The following ZDHHC14 variants were observed in gnomAD, a reference collection of about 807,000 sequenced individuals.
ZDHHC14 encodes the protein zDHHC palmitoyltransferase 14.
ZDHHC14 carries 16 observed loss-of-function variants against 47.7 expected under a neutral mutation model. The ratio of observed to expected loss-of-function variants is 0.34; its 90% CI spans 0.23 to 0.51. The LOEUF (loss-of-function observed/expected upper bound fraction) is 0.51. Among genes scored for constraint, ZDHHC14 ranks in the 20% least tolerant of loss-of-function variants. ZDHHC14 has a pLI of 0.97. For synonymous variants in ZDHHC14, 293 were observed against 278.9 expected (o/e 1.05, Z -0.50); for missense variants, 515 against 662.5 (o/e 0.78, Z 2.44).
chr6:157,533,414 T>C (rs903243958), intron 1 of ZDHHC14, among the ~76,000 whole-genome samples: 1 of 152,104 alleles, frequency 6.6e-6, no homozygotes, highest in Non-Finnish European at 1.5e-5. Context: ...AGTTTGGAGA[T>C]TGTGTGCAGC....
At chr6:157,630,412 A>C (rs142176088) in intron 4 of ZDHHC14, 11 of 152,008 alleles carry the variant, frequency 7.2e-5, no homozygotes, top group African/African-American at 2.7e-4. Flanking sequence ...TCATATACCT[A>C]AACTCAGGGA....
In ZDHHC14 at chr6:157,386,760, C is replaced by T. The variant is rs147646080; in HGVS notation, c.245+4494C>T. On this transcript the variant is annotated intron_variant, in intron 1 of 8. Coordinates refer to ENST00000359775, the MANE Select transcript of ZDHHC14 (RefSeq NM_024630.3). Reference sequence around the variant, plus strand: ...AAGAGTCTCATCAAGGCTGTCTATGCGATGTCGTCATTCTCACATTCCCAG... The same window carrying T: ...AAGAGTCTCATCAAGGCTGTCTATGTGATGTCGTCATTCTCACATTCCCAG... Among the ~76,000 whole-genome samples the T allele has an allele frequency of 3.8e-3, 575 of 152,264 alleles. 5 individuals carry two copies. The highest frequency in any genetic ancestry group is 6.8e-3 in the Middle Eastern group (2 of 294).
chr6:157,503,475 C>G (rs1780234107), intron 1 of ZDHHC14, among the ~76,000 whole-genome samples: 1 of 152,150 alleles, frequency 6.6e-6, no homozygotes, highest in South Asian at 2.1e-4. Context: ...GAGCTGAGCT[C>G]CAATCTCCAA....
chr6:157,520,549 G>A (rs957734406), intron 1 of ZDHHC14, among the ~76,000 whole-genome samples: 1 of 152,188 alleles, frequency 6.6e-6, no homozygotes, highest in African/African-American at 2.4e-5. Context: ...GCATAATAAC[G>A]TGTACACAGT....
intron 1 of ZDHHC14, among the ~76,000 whole-genome samples, chr6:157,477,153 G>A (rs988625642): frequency 2.0e-5 from 3 of 152,206 alleles, no homozygotes; most frequent in African/African-American, 7.2e-5. Context: ...GGCTGAGGGG[G>A]GTGGTCACCT....
At chr6:157,384,829 A>T (rs1446406037) in intron 1 of ZDHHC14, among the ~76,000 whole-genome samples, 1 of 152,252 alleles carries the variant, frequency 6.6e-6, no homozygotes, top group African/African-American at 2.4e-5. Context: ...CCTAAGCGAG[A>T]TCCAGAGGAA....
chr6:157,545,434 T>C (rs2114810371), intron 2 of ZDHHC14, among the ~76,000 whole-genome samples: 1 of 151,392 alleles, frequency 6.6e-6, no homozygotes, highest in South Asian at 2.1e-4. Flanking sequence ...CCCAGCACTT[T>C]GGGAGGCCGA....
chr6:157,506,742 G>A (rs1182376436), intron 1 of ZDHHC14, among the ~76,000 whole-genome samples: 1 of 152,114 alleles, frequency 6.6e-6, no homozygotes, highest in Non-Finnish European at 1.5e-5. Flanking sequence ...TGGTCCCTGG[G>A]GGAATGTTAA....
At chr6:157,543,045 A>G (rs749746484) in intron 2 of ZDHHC14, among the ~76,000 whole-genome samples, 3 of 152,222 alleles carry the variant, frequency 2.0e-5, no homozygotes, top group Admixed American at 2.0e-4. Flanking sequence ...TCTACTAAGC[A>G]GCCTCCACCC....
chr6:157,468,032 G>A (rs1427706033), intron 1 of ZDHHC14, among the ~76,000 whole-genome samples: 2 of 152,136 alleles, frequency 1.3e-5, no homozygotes, highest in African/African-American at 4.8e-5. Context: ...CATCACATCA[G>A]AAAAACAAGG....
chr6:157,469,728 G>C (rs1779310277), intron 1 of ZDHHC14, among the ~76,000 whole-genome samples: 1 of 152,212 alleles, frequency 6.6e-6, no homozygotes, highest in South Asian at 2.1e-4. Context: ...TGATCTGGAA[G>C]TGACTCACCT....
intron 1 of ZDHHC14, 146 bp downstream of exon 1, chr6:157,382,412 T>C: frequency 9.5e-7 from 1 of 1,049,550 alleles, no homozygotes; most frequent in East Asian, 2.9e-5. Flanking sequence ...CTTTTTTCTT[T>C]TAAAGGTCTG....
intron 1 of ZDHHC14, among the ~76,000 whole-genome samples, chr6:157,497,545 T>C (rs576613648): frequency 1.3e-5 from 2 of 152,208 alleles, no homozygotes; most frequent in Non-Finnish European, 2.9e-5. Context: ...GAAGGAGTTA[T>C]GAGGATTAGG....
rs532230562 is a variant in ZDHHC14 at position 157,484,281 on chromosome 6, A to G, written c.246-58304A>G. Among the ~76,000 whole-genome samples, 179 of 99,998 alleles carry G rather than the reference A, an allele frequency of 1.8e-3. 2 individuals carry two copies. The highest frequency in any genetic ancestry group is 3.3e-3 in the Non-Finnish European group (146 of 44,500). 65.6% of individuals were successfully genotyped at this position (99,998 alleles called of 152,430 possible). On this transcript the variant is annotated intron_variant, in intron 1 of 8. Transcript: ENST00000359775. The stretch of plus-strand genomic sequence containing the variant: ...TTTATATATATATGTATATATACGT[A>G]TATATATATGTGTATATATATATAC...
chr6:157,456,423 A>G (rs558754816), intron 1 of ZDHHC14, among the ~76,000 whole-genome samples: 2 of 152,182 alleles, frequency 1.3e-5, no homozygotes, highest in Non-Finnish European at 2.9e-5. Flanking sequence ...CTCCCTAGTC[A>G]TAAGTGTGGG....
intron 1 of ZDHHC14, among the ~76,000 whole-genome samples, chr6:157,424,539 G>C (rs1421762119): frequency 3.3e-5 from 5 of 152,188 alleles, no homozygotes; most frequent in African/African-American, 9.7e-5. Flanking sequence ...GCTCTAAGCG[G>C]AACACCTGAT....
At chr6:157,513,015 T>C (rs960526205) in intron 1 of ZDHHC14, among the ~76,000 whole-genome samples, 2 of 152,222 alleles carry the variant, frequency 1.3e-5, no homozygotes, top group Non-Finnish European at 2.9e-5. Context: ...GAAAAAGGCA[T>C]GTGTATCACT....
chr6:157,631,122 C>G (rs953033532), intron 4 of ZDHHC14: 1 of 152,286 alleles, frequency 6.6e-6, no homozygotes, highest in Non-Finnish European at 1.5e-5. Context: ...TATGCTCACA[C>G]TCTCGCACTC....
intron 8 of ZDHHC14, among the ~76,000 whole-genome samples, chr6:157,667,271 A>G (rs1230923379): frequency 6.6e-6 from 1 of 152,198 alleles, no homozygotes; most frequent in African/African-American, 2.4e-5. Context: ...CAATTCAAAC[A>G]TAACCAACGG....
Sources: allele counts gnomAD v4.1 joint callset (sites outside exome capture counted in the v4.1 genomes callset), GRCh38; gene constraint gnomAD v4.1.1; transcripts MANE v1.5; gene names NCBI Gene and HGNC (gene_info 2026-07-23, HGNC 2026-07-21).